Variants in TLK1 observed in about 807,000 individuals in gnomAD.
TLK1 encodes tousled like kinase 1, also known as serine/threonine-protein kinase tousled-like 1.
A neutral mutation model predicts 105.3 loss-of-function variants in TLK1; 24 were observed. The ratio of observed to expected loss-of-function variants is 0.23; its 90% CI spans 0.17 to 0.32. TLK1 has a LOEUF of 0.32. Among genes scored for constraint, TLK1 ranks in the 10% least tolerant of loss-of-function variants. The pLI, the probability that TLK1 is intolerant of heterozygous loss-of-function variation, is 1.00. For missense variants in TLK1, 558 were observed against 910.5 expected (o/e 0.61, Z 4.98); for synonymous variants, 321 against 310.4 (o/e 1.03, Z -0.36).
At chr2:171,019,093 A>C (rs1434508327) in intron 12 of TLK1, among the ~76,000 whole-genome samples, 1 of 152,026 alleles carries the variant, frequency 6.6e-6, no homozygotes, top group African/African-American at 2.4e-5. Flanking sequence ...CTTGCAAAAA[A>C]CACCACCTTC....
At chr2:171,125,215 TGA>T (rs1255759314) in intron 1 of TLK1, among the ~76,000 whole-genome samples, 1 of 152,228 alleles carries the variant, frequency 6.6e-6, no homozygotes, top group Non-Finnish European at 1.5e-5. Flanking sequence ...TATGCTGTGA[TGA>T]GATATTCCAT....
At chr2:171,148,751 T>C (rs1386747254) in intron 1 of TLK1, among the ~76,000 whole-genome samples, 1 of 151,438 alleles carries the variant, frequency 6.6e-6, no homozygotes, top group Non-Finnish European at 1.5e-5. Flanking sequence ...GGCGTGGTGA[T>C]GCATAGTAGT....
chr2:171,107,644 T>C (rs1309246780), intron 2 of TLK1, among the ~76,000 whole-genome samples: 1 of 152,198 alleles, frequency 6.6e-6, no homozygotes, highest in East Asian at 1.9e-4. Flanking sequence ...AGAAATGTCT[T>C]GTGTCTGAAA....
At chr2:171,136,123 A>G (rs1691311643) in intron 1 of TLK1, among the ~76,000 whole-genome samples, 1 of 152,240 alleles carries the variant, frequency 6.6e-6, no homozygotes, top group African/African-American at 2.4e-5. Flanking sequence ...GTACTATGGA[A>G]TATTATTCAG....
chr2:171,171,067 AT>A (rs1692716788), intron 1 of TLK1, among the ~76,000 whole-genome samples: 1 of 151,284 alleles, frequency 6.6e-6, no homozygotes, highest in African/African-American at 2.5e-5. Flanking sequence ...CTCTTAAAAA[AT>A]CTAAAAATAT....
At chr2:171,068,761 T>A (rs1051463152) in intron 3 of TLK1, among the ~76,000 whole-genome samples, 4 of 152,200 alleles carry the variant, frequency 2.6e-5, no homozygotes, top group African/African-American at 9.6e-5. Flanking sequence ...TCTCTAAAAT[T>A]AAGAATGTTA....
At chr2:171,127,850 T>C (rs546294644) in intron 1 of TLK1, among the ~76,000 whole-genome samples, 59 of 152,288 alleles carry the variant, frequency 3.9e-4, no homozygotes, top group African/African-American at 1.4e-3. Flanking sequence ...TTCTGAGTCA[T>C]ATTATCTATC....
At chr2:171,052,262 G>T (rs989988657) in intron 8 of TLK1, among the ~76,000 whole-genome samples, 1 of 151,930 alleles carries the variant, frequency 6.6e-6, no homozygotes, top group African/African-American at 2.4e-5. Flanking sequence ...CTGTCACTTA[G>T]CGGGGGAAAA....
intron 12 of TLK1, among the ~76,000 whole-genome samples, chr2:171,026,193 GTAAA>G (rs1393079964): frequency 3.3e-5 from 5 of 152,108 alleles, no homozygotes; most frequent in Admixed American, 1.3e-4. Flanking sequence ...GAAAGAGTAA[GTAAA>G]TACGAAAAAT....
chr2:171,065,225 G>C (rs537972266), intron 3 of TLK1, among the ~76,000 whole-genome samples: 1 of 152,148 alleles, frequency 6.6e-6, no homozygotes, highest in South Asian at 2.1e-4. Flanking sequence ...AAATTTTACA[G>C]TATACAAAAA....
chr2:171,070,177 T>C lies in TLK1; in HGVS notation c.331-9021A>G, dbSNP rs915253517. On this transcript the variant is annotated intron_variant, in intron 3 of 20. Transcript: ENST00000431350. ...CCACCAATCAGCTTAGAAGGTTCCT[T>C]TTTAAATTTTTTTTTTTTAATCATT... Among the ~76,000 whole-genome samples, 3 of 152,230 alleles carry C rather than the reference T, an allele frequency of 2.0e-5. No homozygotes were observed. In the South Asian group the frequency reaches 6.2e-4, roughly 32 times the overall value.
At chr2:171,207,179 T>C (rs1693522033) in intron 1 of TLK1, among the ~76,000 whole-genome samples, 1 of 152,142 alleles carries the variant, frequency 6.6e-6, no homozygotes. Context: ...GGATAAATAG[T>C]GGGACATCCT....
chr2:171,076,428 A>C (rs1229867518), intron 3 of TLK1, among the ~76,000 whole-genome samples: 1 of 151,976 alleles, frequency 6.6e-6, no homozygotes, highest in East Asian at 1.9e-4. Context: ...ATGCTCTTGG[A>C]CTTCCTAGCC....
At chr2:171,167,568 G>GATCT (rs1342291301) in intron 1 of TLK1, among the ~76,000 whole-genome samples, 3 of 152,084 alleles carry the variant, frequency 2.0e-5, no homozygotes, top group Non-Finnish European at 2.9e-5. Context: ...AAATCCTGAA[G>GATCT]AGATAGTTCC....
At chr2:171,111,585 C>CAAAAAAAAAAAAAAAAAAA (rs34969114) in intron 2 of TLK1, among the ~76,000 whole-genome samples, 1 of 113,892 alleles carries the variant, frequency 8.8e-6, no homozygotes, top group African/African-American at 3.2e-5. Context: ...ATCCTGTATT[C>CAAAAAAAAAAAAAAAAAAA]AAAAAAAAAA....
Position 171,160,269 on chromosome 2 carries a change from C to A in TLK1, c.139+21G>T. The A allele has an allele frequency of 6.7e-7, 1 of 1,501,760 alleles. No individual in the cohort carries two copies. Among genetic ancestry groups the A allele is most frequent in the Non-Finnish European group, 8.8e-7 (1 of 1,130,746 alleles). The allele number at this position is 1,501,760 out of a possible 1,614,324, so 93.0% of individuals were successfully genotyped here. A position where few individuals can be genotyped will look rare whatever the true frequency, so the allele number is the denominator to read the frequency against. On this transcript the variant is annotated intron_variant, in intron 1 of 20. Transcript: ENST00000431350. The surrounding 1 kb of genome is among the most constrained non-coding windows in gnomAD (Gnocchi z 4.4). ...GCGGGAGAGGAGGCCCGCGAGCGGG[C>A]GCGGGCGCGGCGGTGCTTACCTTCC...
chr2:171,230,820 G>C (rs984181844), intron 1 of TLK1, among the ~76,000 whole-genome samples: 2 of 152,120 alleles, frequency 1.3e-5, no homozygotes, highest in African/African-American at 2.4e-5. Flanking sequence ...AAGCCAAGAC[G>C]CTAGCAACTC....
chr2:171,153,279 T>A (rs549271880), intron 1 of TLK1, among the ~76,000 whole-genome samples: 1 of 152,354 alleles, frequency 6.6e-6, no homozygotes, highest in South Asian at 2.1e-4. Flanking sequence ...GAATAACAAC[T>A]GTATGTAACT....
chr2:171,194,106 C>A (rs1335623098), intron 1 of TLK1, among the ~76,000 whole-genome samples: 2 of 152,130 alleles, frequency 1.3e-5, no homozygotes, highest in Non-Finnish European at 2.9e-5. Flanking sequence ...AAATGGCTTA[C>A]ACACCAGTAC....
Sources: gnomAD v4.1 joint callset for allele counts (sites outside exome capture counted in the v4.1 genomes callset) on GRCh38, gnomAD v4.1.1 for gene constraint, Gnocchi (gnomAD v3.1) non-coding constraint, MANE v1.5 for transcripts, NCBI Gene and HGNC (gene_info 2026-07-23, HGNC 2026-07-21) for gene names.